Variants in C8orf34 observed in about 807,000 individuals in gnomAD.
The protein encoded by C8orf34 is uncharacterized protein C8orf34.
A neutral mutation model predicts 68.3 loss-of-function variants in C8orf34; 65 were observed. The ratio of observed to expected loss-of-function variants is 0.95; its 90% CI spans 0.78 to 1.17. The LOEUF (loss-of-function observed/expected upper bound fraction) is 1.17, where lower values mean the gene tolerates loss of function less well. Among genes scored for constraint, C8orf34 ranks in the 50% most tolerant of loss-of-function variants. C8orf34 has a pLI of 0.00. For synonymous variants in C8orf34, 244 were observed against 241.2 expected (o/e 1.01, Z -0.11); for missense variants, 664 against 655.4 (o/e 1.01, Z -0.14).
At chr8:68,725,094 T>G (rs1284185342) in intron 10 of C8orf34, among the ~76,000 whole-genome samples, 2 of 152,184 alleles carry the variant, frequency 1.3e-5, no homozygotes, top group Non-Finnish European at 2.9e-5. Context: ...CTTGAACTCC[T>G]GGATTCAGGC....
chr8:68,634,688 T>C (rs1818785634), intron 7 of C8orf34, among the ~76,000 whole-genome samples: 1 of 152,176 alleles, frequency 6.6e-6, no homozygotes, highest in African/African-American at 2.4e-5. Flanking sequence ...TTAGTATCCT[T>C]CCATGACCAA....
chr8:68,731,025 G>A (rs964280380), intron 10 of C8orf34, among the ~76,000 whole-genome samples: 1 of 152,146 alleles, frequency 6.6e-6, no homozygotes, highest in Non-Finnish European at 1.5e-5. Flanking sequence ...AAGTAATATG[G>A]ATTATGTTTG....
intron 10 of C8orf34, among the ~76,000 whole-genome samples, chr8:68,740,735 G>A (rs1822264711): frequency 6.6e-6 from 1 of 152,144 alleles, no homozygotes; most frequent in African/African-American, 2.4e-5. Context: ...TCCCATTACT[G>A]GGTATATTCT....
At chr8:68,339,362 A>C (rs948529598) in intron 1 of C8orf34, among the ~76,000 whole-genome samples, 3 of 152,008 alleles carry the variant, frequency 2.0e-5, no homozygotes, top group African/African-American at 7.2e-5. Flanking sequence ...TTTATGTTCA[A>C]GCAAACAACC....
chr8:68,462,267 A>G (rs1448967674), intron 3 of C8orf34, among the ~76,000 whole-genome samples: 1 of 152,220 alleles, frequency 6.6e-6, no homozygotes, highest in Non-Finnish European at 1.5e-5. Flanking sequence ...TGCACCCAAT[A>G]CAGGAACACC....
chr8:68,732,790 T>C (rs1822013584), intron 10 of C8orf34, among the ~76,000 whole-genome samples: 1 of 152,198 alleles, frequency 6.6e-6, no homozygotes, highest in Non-Finnish European at 1.5e-5. Flanking sequence ...ATAAAATTTG[T>C]TAGAAGCTGG....
intron 1 of C8orf34, among the ~76,000 whole-genome samples, chr8:68,406,220 T>C (rs1221531623): frequency 6.6e-6 from 1 of 152,130 alleles, no homozygotes; most frequent in Non-Finnish European, 1.5e-5. Flanking sequence ...GGGGCTTTGG[T>C]TTCAGTAAAC....
chr8:68,504,682 ATT>A (rs563414330), intron 5 of C8orf34, among the ~76,000 whole-genome samples: 3,358 of 128,798 alleles, frequency 0.026, 124 homozygotes, highest in African/African-American at 0.089. Context: ...ACCATGCCTA[ATT>A]TTTTTTTTTT....
chr8:68,461,015 AC>A (rs1811793957), intron 3 of C8orf34, among the ~76,000 whole-genome samples: 1 of 152,230 alleles, frequency 6.6e-6, no homozygotes, highest in Admixed American at 6.5e-5. Context: ...AGAAATTCAA[AC>A]CAAAGGCAAA....
chr8:68,575,845 TA>T (rs1222239918), intron 7 of C8orf34, among the ~76,000 whole-genome samples: 4 of 151,960 alleles, frequency 2.6e-5, no homozygotes, highest in African/African-American at 9.7e-5. Context: ...AGTGACAAAG[TA>T]AATTATTTAC....
intron 7 of C8orf34, among the ~76,000 whole-genome samples, chr8:68,564,802 A>G (rs112339060): frequency 5.6e-4 from 85 of 152,260 alleles, no homozygotes; most frequent in Non-Finnish European, 8.2e-4. Flanking sequence ...GATTTAATGG[A>G]ATCTATAGGG....
chr8:68,619,780 A>G (rs1818333366), intron 7 of C8orf34, among the ~76,000 whole-genome samples: 1 of 152,326 alleles, frequency 6.6e-6, no homozygotes, highest in South Asian at 2.1e-4. Context: ...CAGAGGTTTA[A>G]TTATAAATCA....
At chr8:68,615,515 G>C (rs1252863543) in intron 7 of C8orf34, among the ~76,000 whole-genome samples, 2 of 152,120 alleles carry the variant, frequency 1.3e-5, no homozygotes, top group Non-Finnish European at 2.9e-5. Context: ...GCTGAATTTT[G>C]TCAAAGGCCT....
At chr8:68,474,114 C>A (rs1376138453) in intron 4 of C8orf34, among the ~76,000 whole-genome samples, 1 of 152,194 alleles carries the variant, frequency 6.6e-6, no homozygotes, top group Non-Finnish European at 1.5e-5. Context: ...TCATTTATCA[C>A]CCCTACGCAG....
At chr8:68,394,922 A>G (rs1359988762) in intron 1 of C8orf34, among the ~76,000 whole-genome samples, 2 of 152,046 alleles carry the variant, frequency 1.3e-5, no homozygotes, top group South Asian at 2.1e-4. Flanking sequence ...AATGAATCAT[A>G]CCTTGTAGAG....
rs953184387 is a variant in C8orf34, at chr8:68,350,958, A to G, written c.327+19619A>G. On this transcript the variant is annotated intron_variant, in intron 1 of 13. Coordinates refer to ENST00000518698, the MANE Select transcript of C8orf34 (RefSeq NM_052958.4). The stretch of plus-strand genomic sequence containing the variant: ...TAAGTGGGACATATAGTCCGTTTAC[A>G]TTCAAGGTTAGCATTGATATGTGTG... Among the ~76,000 whole-genome samples, 141 of 152,018 alleles carry G rather than the reference A, an allele frequency of 9.3e-4. 2 individuals carry two copies. The highest frequency in any genetic ancestry group is 4.4e-5 in the Non-Finnish European group (3 of 67,958).
intron 3 of C8orf34, among the ~76,000 whole-genome samples, chr8:68,457,820 G>A (rs539965738): frequency 6.6e-5 from 10 of 152,078 alleles, no homozygotes; most frequent in Admixed American, 4.6e-4. Flanking sequence ...GTTTTATTAG[G>A]TAGTTGACAC....
intron 12 of C8orf34, among the ~76,000 whole-genome samples, chr8:68,799,827 CGAGATTGGA>C (rs1368135751): frequency 2.0e-5 from 3 of 152,016 alleles, no homozygotes; most frequent in South Asian, 2.1e-4. Flanking sequence ...AGTAGAAACA[CGAGATTGGA>C]GAGATTGGAG....
chr8:68,697,328 C>G (rs1209095736), intron 8 of C8orf34, among the ~76,000 whole-genome samples: 2 of 151,996 alleles, frequency 1.3e-5, no homozygotes, highest in Non-Finnish European at 2.9e-5. Context: ...GAAGCAGTAT[C>G]TCTTACTTCT....
Sources: allele counts gnomAD v4.1 joint callset (sites outside exome capture counted in the v4.1 genomes callset), GRCh38; gene constraint gnomAD v4.1.1; transcripts MANE v1.5; gene names NCBI Gene and HGNC (gene_info 2026-07-23, HGNC 2026-07-21).